SLIT3: variants seen among roughly 807,000 people sequenced by gnomAD.
SLIT3 encodes the protein slit guidance ligand 3, also known as slit homolog 3 protein.
SLIT3 carries 68 observed loss-of-function variants against 184.0 expected under a neutral mutation model. That is an observed-to-expected ratio of 0.37 (90% confidence interval 0.30 to 0.45). The LOEUF (loss-of-function observed/expected upper bound fraction) is 0.45, where lower values mean the gene tolerates loss of function less well. Among genes scored for constraint, SLIT3 ranks in the 20% least tolerant of loss-of-function variants. The pLI, the probability that SLIT3 is intolerant of heterozygous loss-of-function variation, is 1.00. For missense variants in SLIT3, 1,707 were observed against 2,026.0 expected (o/e 0.84, Z 3.02); for synonymous variants, 831 against 828.6 (o/e 1.00, Z -0.05).
chr5:168,749,404 T>A (rs145392758), intron 19 of SLIT3, 68 bp downstream of exon 19: 2 of 1,566,238 alleles, frequency 1.3e-6, no homozygotes, highest in Non-Finnish European at 1.8e-6. Context: ...TATCTGATTG[T>A]GCATCTTCGC....
intron 9 of SLIT3, among the ~76,000 whole-genome samples, chr5:168,796,871 AG>A (rs1241021301): frequency 6.6e-6 from 1 of 152,114 alleles, no homozygotes; most frequent in Non-Finnish European, 1.5e-5. Flanking sequence ...ATGGTTTGTC[AG>A]GCCAACCCAT....
At chr5:169,229,860 C>A (rs1211521991) in intron 3 of SLIT3, among the ~76,000 whole-genome samples, 4 of 152,008 alleles carry the variant, frequency 2.6e-5, no homozygotes, top group African/African-American at 9.7e-5. Context: ...GCATAGGCAC[C>A]CAGCAAAAAT....
At chr5:169,283,810 G>A (rs747450) in intron 1 of SLIT3, among the ~76,000 whole-genome samples, 5,169 of 152,274 alleles carry the variant, frequency 0.034, 284 homozygotes, top group African/African-American at 0.12. Context: ...AATCATTTGC[G>A]AAATGTTGTG....
At chr5:168,957,254 G>T (rs577515399) in intron 4 of SLIT3, among the ~76,000 whole-genome samples, 28 of 151,548 alleles carry the variant, frequency 1.8e-4, no homozygotes, top group Non-Finnish European at 2.9e-4. Context: ...AAATAGAGGT[G>T]GGGGTCTGGC....
intron 14 of SLIT3, among the ~76,000 whole-genome samples, chr5:168,771,507 G>C (rs545204100): frequency 6.6e-6 from 1 of 152,112 alleles, no homozygotes; most frequent in Non-Finnish European, 1.5e-5. Flanking sequence ...ATAGAGCAAA[G>C]GGCTCTCCTA....
At chr5:168,785,824 T>C (rs1461329765) in intron 12 of SLIT3, 83 bp downstream of exon 12, 1 of 970,584 alleles carries the variant, frequency 1.0e-6, no homozygotes, top group Non-Finnish European at 1.6e-6. Flanking sequence ...TCAAAAGAAC[T>C]CTCCAGAGCA....
rs562837516 is a variant in SLIT3 at position 169,039,612 on chromosome 5, C to T, written c.413+153867G>A. ...GATTACAGGCTTGAGCCACTTCACC[C>T]GGCCAGGAGTTAAGTTCTTTGTCTT... is the stretch of plus-strand genomic sequence containing the variant. On this transcript the variant is annotated intron_variant, in intron 4 of 35. Transcript: ENST00000519560. Among the ~76,000 whole-genome samples the T allele has an allele frequency of 3.9e-5, 6 of 152,222 alleles. No homozygotes were observed. In the South Asian group the frequency reaches 1.2e-3, roughly 32 times the overall value.
At chr5:168,871,832 G>C (rs1759532446) in intron 5 of SLIT3, among the ~76,000 whole-genome samples, 1 of 152,202 alleles carries the variant, frequency 6.6e-6, no homozygotes, top group Non-Finnish European at 1.5e-5. Context: ...AGGCTAAGGA[G>C]GAGGCATGCA....
intron 4 of SLIT3, among the ~76,000 whole-genome samples, chr5:169,045,006 C>T (rs1201471060): frequency 6.6e-6 from 1 of 152,180 alleles, no homozygotes; most frequent in Non-Finnish European, 1.5e-5. Flanking sequence ...AAGAACTCCT[C>T]CATGGTTCAC....
At chr5:169,006,278 GGAT>G (rs1415288120) in intron 4 of SLIT3, among the ~76,000 whole-genome samples, 1 of 152,172 alleles carries the variant, frequency 6.6e-6, no homozygotes, top group Non-Finnish European at 1.5e-5. Context: ...TTTATTTATA[GGAT>G]AATACAAAAA....
chr5:168,952,378 G>A (rs530122755), intron 4 of SLIT3, among the ~76,000 whole-genome samples: 4 of 152,164 alleles, frequency 2.6e-5, no homozygotes, highest in East Asian at 1.9e-4. Context: ...CTCAGCTCAC[G>A]TTTACATTTC....
At chr5:168,750,565 T>C (rs1226276250) in intron 18 of SLIT3, among the ~76,000 whole-genome samples, 1 of 152,162 alleles carries the variant, frequency 6.6e-6, no homozygotes, top group Non-Finnish European at 1.5e-5. Flanking sequence ...GGCAAGTTAC[T>C]TCATGGGTCA....
chr5:169,255,384 G>C (rs1431427771), intron 1 of SLIT3, among the ~76,000 whole-genome samples: 6 of 152,188 alleles, frequency 3.9e-5, no homozygotes, highest in Non-Finnish European at 8.8e-5. Context: ...GGAGGCAGAA[G>C]ACAGTGAGAT....
chr5:169,140,271 T>C (rs935740481), intron 4 of SLIT3, among the ~76,000 whole-genome samples: 1 of 124,116 alleles, frequency 8.1e-6, no homozygotes, highest in Non-Finnish European at 1.6e-5. Flanking sequence ...GAGACCAGCC[T>C]GGCCAACATG....
chr5:168,898,587 G>A (rs761829198), intron 4 of SLIT3, among the ~76,000 whole-genome samples: 9 of 152,182 alleles, frequency 5.9e-5, no homozygotes, highest in Non-Finnish European at 1.0e-4. Flanking sequence ...TTTGGCCACT[G>A]TTCAAAATGT....
intron 11 of SLIT3, among the ~76,000 whole-genome samples, chr5:168,787,843 G>A (rs146893072): frequency 1.3e-5 from 2 of 152,216 alleles, no homozygotes; most frequent in East Asian, 3.9e-4. Flanking sequence ...TCCTGAGCTG[G>A]GATTGTGTGT....
chr5:169,050,163 T>G (rs1757766204), intron 4 of SLIT3, among the ~76,000 whole-genome samples: 1 of 152,174 alleles, frequency 6.6e-6, no homozygotes, highest in African/African-American at 2.4e-5. Context: ...CTGTCTGATG[T>G]TAAGGAGTCT....
chr5:168,832,594 C>A (rs184463675), intron 6 of SLIT3, among the ~76,000 whole-genome samples: 2 of 152,148 alleles, frequency 1.3e-5, no homozygotes, highest in Non-Finnish European at 2.9e-5. Flanking sequence ...CAATTGCCTA[C>A]GGGAGTGAGG....
chr5:168,904,185 A>G (rs1004261206), intron 4 of SLIT3, among the ~76,000 whole-genome samples: 2 of 152,180 alleles, frequency 1.3e-5, no homozygotes, highest in Non-Finnish European at 2.9e-5. Context: ...ATGAAGACTC[A>G]AAGTTTTGTT....
Sources: allele counts gnomAD v4.1 joint callset (sites outside exome capture counted in the v4.1 genomes callset), GRCh38; gene constraint gnomAD v4.1.1; transcripts MANE v1.5; gene names NCBI Gene and HGNC (gene_info 2026-07-23, HGNC 2026-07-21).